Variants in SOX5 observed in about 807,000 individuals in gnomAD.
SOX5 encodes the protein transcription factor SOX-5.
Under a neutral mutation model 92.0 loss-of-function variants are expected in SOX5, and 9 were observed. That is an observed-to-expected ratio of 0.10 (90% CI 0.06 to 0.17). SOX5 has a LOEUF of 0.17. SOX5 is among the 10% of genes least tolerant of loss of function. The pLI, the probability that SOX5 is intolerant of heterozygous loss-of-function variation, is 1.00. For missense variants in SOX5, 642 were observed against 944.5 expected, an observed-to-expected ratio of 0.68 and a Z score of 4.20; for synonymous variants, 344 against 336.3, an observed-to-expected ratio of 1.02 and a Z score of -0.25.
At chr12:23,582,195 C>T (rs1950137488) in intron 9 of SOX5, 12 of 985,160 alleles carry the variant, frequency 1.2e-5, no homozygotes, top group Non-Finnish European at 1.4e-5. Context: ...CATCCTTTCT[C>T]TTTCGTCTTC....
chr12:24,477,490 T>C (rs947985902), intron 1 of SOX5, among the ~76,000 whole-genome samples: 2 of 152,172 alleles, frequency 1.3e-5, no homozygotes, highest in African/African-American at 4.8e-5. Context: ...ATGACTCATA[T>C]ACAATCACAA....
At chr12:23,951,625 A>C (rs1945651480), upstream of SOX5, among the ~76,000 whole-genome samples, 1 of 146,750 alleles carries the variant, frequency 6.8e-6, no homozygotes, top group African/African-American at 2.5e-5. Flanking sequence ...TAATTCTATC[A>C]TCAGGAGATG....
chr12:24,044,947 T>TA (rs1956857760), intron 4 of SOX5, among the ~76,000 whole-genome samples: 1 of 152,228 alleles, frequency 6.6e-6, no homozygotes, highest in Non-Finnish European at 1.5e-5. Context: ...TAACTGTTTT[T>TA]AAAATATTTC....
chr12:24,260,519 T>C (rs1594899817), intron 3 of SOX5, among the ~76,000 whole-genome samples: 1 of 152,330 alleles, frequency 6.6e-6, no homozygotes, highest in African/African-American at 2.4e-5. Context: ...TTAATTGATG[T>C]TTAATGAGTA....
At chr12:24,388,238 CA>C (rs1452154822) in intron 1 of SOX5, among the ~76,000 whole-genome samples, 3 of 152,174 alleles carry the variant, frequency 2.0e-5, no homozygotes, top group Non-Finnish European at 4.4e-5. Flanking sequence ...TGGAGTGACA[CA>C]AAGTCACTTA....
In SOX5 at chr12:24,512,565, T is replaced by C. The variant is rs150662219; in HGVS notation, c.-251+49764A>G. 2.3e-3 allele frequency among the ~76,000 whole-genome samples: 348 copies of C among 152,296 alleles called. 1 individual carries two copies. Among genetic ancestry groups the C allele is most frequent in the Middle Eastern group, 0.01 (3 of 294 alleles). Reference sequence around the variant, plus strand: ...CTTGGCAGACTATGTACCTCCAGCATAGTTTAAAAGGAGTGGTGGAGAGTG... The same window carrying C: ...CTTGGCAGACTATGTACCTCCAGCACAGTTTAAAAGGAGTGGTGGAGAGTG... On this transcript the variant is annotated intron_variant, in intron 1 of 4. Coordinates refer to the SOX5 transcript ENST00000446891.
chr12:24,102,608 C>A (rs1243684838), intron 4 of SOX5, among the ~76,000 whole-genome samples: 1 of 152,124 alleles, frequency 6.6e-6, no homozygotes, highest in African/African-American at 2.4e-5. Context: ...AAAACACCAT[C>A]AAGAAAACAA....
intron 3 of SOX5, among the ~76,000 whole-genome samples, chr12:23,769,917 C>G (rs1325384861): frequency 3.3e-5 from 5 of 152,068 alleles, no homozygotes; most frequent in Non-Finnish European, 5.9e-5. Context: ...CACCTTCTTA[C>G]TAATGCTCAT....
chr12:24,080,017 A>G (rs761249187), intron 4 of SOX5, among the ~76,000 whole-genome samples: 10 of 151,930 alleles, frequency 6.6e-5, no homozygotes, highest in Non-Finnish European at 1.3e-4. Context: ...TTTTCAGAGT[A>G]CAAGCAATGT....
chr12:24,361,492 A>G (rs931676917), intron 2 of SOX5, among the ~76,000 whole-genome samples: 1 of 152,178 alleles, frequency 6.6e-6, no homozygotes, highest in Non-Finnish European at 1.5e-5. Context: ...ATTATATAAT[A>G]CAAGCAAAGC....
At chr12:23,949,731 C>CTCTCT, upstream of SOX5, 1 of 749,482 alleles carries the variant, frequency 1.3e-6, no homozygotes, top group East Asian at 3.5e-5. Flanking sequence ...TCCCTCCCTC[C>CTCTCT]CTCTCTCTCT....
rs1391752187 is a variant in SOX5, at chr12:23,857,068, C to A, written c.271-10875G>T. ...AGAAATAAGTGAAGAGGAAAAGATA[C>A]AGAGCATTCCCAGAGGCACCACCCA... On this transcript the variant is annotated intron_variant, in intron 2 of 14. Transcript: ENST00000451604. 8.5e-5 allele frequency among the ~76,000 whole-genome samples: 13 copies of A among 152,122 alleles called. 1 individual carries two copies. Among genetic ancestry groups the A allele is most frequent in the Admixed American group, 7.2e-4 (11 of 15,286 alleles).
At chr12:24,426,822 CCT>C (rs1301668918) in intron 1 of SOX5, among the ~76,000 whole-genome samples, 1 of 152,026 alleles carries the variant, frequency 6.6e-6, no homozygotes, top group Non-Finnish European at 1.5e-5. Context: ...ATATTACTTC[CCT>C]CTCTCTGGAA....
intron 1 of SOX5, among the ~76,000 whole-genome samples, chr12:24,461,371 C>T (rs973263453): frequency 2.0e-5 from 3 of 152,086 alleles, no homozygotes; most frequent in Admixed American, 1.3e-4. Flanking sequence ...GGATCTACAC[C>T]TTAGACAAGA....
At chr12:24,438,518 G>C (rs1219630748) in intron 1 of SOX5, among the ~76,000 whole-genome samples, 1 of 152,126 alleles carries the variant, frequency 6.6e-6, no homozygotes, top group Non-Finnish European at 1.5e-5. Context: ...CAACTAAATT[G>C]ATAACCTTCT....
chr12:23,881,960 G>A (rs577618560), intron 2 of SOX5, among the ~76,000 whole-genome samples: 2 of 152,246 alleles, frequency 1.3e-5, no homozygotes, highest in African/African-American at 4.8e-5. Context: ...GAATTTATAT[G>A]ATAGGAAATA....
chr12:24,323,999 C>T (rs1045169781), intron 2 of SOX5, among the ~76,000 whole-genome samples: 12 of 152,168 alleles, frequency 7.9e-5, no homozygotes, highest in Admixed American at 7.2e-4. Flanking sequence ...ACAATGTCTG[C>T]CACAAATTAC....
chr12:24,561,982 C>G (rs1323474657), intron 1 of SOX5, among the ~76,000 whole-genome samples: 1 of 152,264 alleles, frequency 6.6e-6, no homozygotes, highest in East Asian at 1.9e-4. Flanking sequence ...ACAATACCAG[C>G]AACAGTACGC....
At chr12:23,539,624 GA>G (rs1565636956) in intron 13 of SOX5, among the ~76,000 whole-genome samples, 2 of 149,862 alleles carry the variant, frequency 1.3e-5, no homozygotes, top group Admixed American at 6.7e-5. Flanking sequence ...AAAAAAAGAG[GA>G]AAAAAAGATG....
Sources: gnomAD v4.1 joint callset for allele counts (sites outside exome capture counted in the v4.1 genomes callset) on GRCh38, gnomAD v4.1.1 for gene constraint, MANE v1.5 for transcripts, NCBI Gene and HGNC (gene_info 2026-07-23, HGNC 2026-07-21) for gene names.